The following P2RY14 variants were observed in gnomAD, a reference collection of about 807,000 sequenced individuals.
The protein encoded by P2RY14 is purinergic receptor P2Y14.
P2RY14 carries 2 observed loss-of-function variants against 0.9 expected under a neutral mutation model. The observed-to-expected ratio is 2.16, with a 90% CI of 0.88 to 6.79. The LOEUF is 6.79. P2RY14 is among the 30% of genes most tolerant of loss of function. P2RY14 has a pLI of 0.05. For missense variants in P2RY14, 378 were observed against 400.1 expected (o/e 0.94, Z 0.47); for synonymous variants, 158 against 147.2 (o/e 1.07, Z -0.53).
chr3:151,267,140 GT>G (rs1018681831), intron 1 of P2RY14, among the ~76,000 whole-genome samples: 5 of 152,300 alleles, frequency 3.3e-5, no homozygotes, highest in African/African-American at 1.2e-4. Context: ...TATTTTGACT[GT>G]TTACAGGAAC....
chr3:151,214,255 G>C lies in P2RY14; in HGVS notation c.62C>G (p.Thr21Ser), dbSNP rs1250262202. ...GTACAGCACAGGAATGATCTGCTGA[G>C]TGATCAGGAGGTTCTGAGAGCAGGA... ...DESCSQNLLI[T>S]QQIIPVLYCM... Residue 21 changes from threonine (T) to serine (S), a missense_variant, in exon 3 of 3, where the codon ACT (threonine) becomes AGT (serine). Thr to Ser is a moderately conservative substitution (Grantham distance 58). Transcript: ENST00000309170. 1.2e-6 allele frequency: 2 copies of C among 1,613,882 alleles called. No homozygotes were observed. The highest frequency in any genetic ancestry group is 1.3e-5 in the African/African-American group (1 of 74,924).
intron 1 of P2RY14, among the ~76,000 whole-genome samples, chr3:151,230,352 G>T (rs1179680313): frequency 6.6e-6 from 1 of 152,208 alleles, no homozygotes; most frequent in Non-Finnish European, 1.5e-5. Flanking sequence ...AATTTCAATA[G>T]AAGTCAGTCA....
At chr3:151,214,470 G>A in intron 2 of P2RY14, 130 bp from the exon 3 acceptor site, 1 of 601,684 alleles carries the variant, frequency 1.7e-6, no homozygotes, top group Non-Finnish European at 2.9e-6. Context: ...TTTACTCTGT[G>A]TAAGTTAGAC....
chr3:151,248,272 C>G (rs1344931675), intron 1 of P2RY14, among the ~76,000 whole-genome samples: 1 of 152,080 alleles, frequency 6.6e-6, no homozygotes, highest in Admixed American at 6.6e-5. Flanking sequence ...ATTCCTATTT[C>G]TTTCCTTTGA....
chr3:151,264,988 CCTCTTTGTCT>C (rs1331492630), intron 1 of P2RY14, among the ~76,000 whole-genome samples: 2 of 152,188 alleles, frequency 1.3e-5, no homozygotes, highest in South Asian at 2.1e-4. Flanking sequence ...GCTCTTTCTC[CCTCTTTGTCT>C]CCCTTATTTC....
At chr3:151,251,039 A>T (rs746815108) in intron 1 of P2RY14, among the ~76,000 whole-genome samples, 1 of 152,202 alleles carries the variant, frequency 6.6e-6, no homozygotes, top group African/African-American at 2.4e-5. Flanking sequence ...GTACTTTGGC[A>T]TACTGCCCTT....
At chr3:151,251,074 C>T (rs1736758752) in intron 1 of P2RY14, among the ~76,000 whole-genome samples, 1 of 152,216 alleles carries the variant, frequency 6.6e-6, no homozygotes, top group African/African-American at 2.4e-5. Context: ...CTGTTCCCTC[C>T]ATGATTAAGG....
chr3:151,267,878 A>G (rs1456983715), intron 1 of P2RY14, among the ~76,000 whole-genome samples: 3 of 152,210 alleles, frequency 2.0e-5, no homozygotes, highest in Non-Finnish European at 4.4e-5. Flanking sequence ...ACAGTGTTTG[A>G]GAATAGCTTT....
At chr3:151,252,492 T>G (rs945161978) in intron 1 of P2RY14, among the ~76,000 whole-genome samples, 5 of 152,158 alleles carry the variant, frequency 3.3e-5, no homozygotes, top group Non-Finnish European at 4.4e-5. Context: ...TGTCTTAATT[T>G]TGCATCTTTG....
intron 1 of P2RY14, among the ~76,000 whole-genome samples, chr3:151,250,002 A>C (rs1736524219): frequency 6.6e-6 from 1 of 152,194 alleles, no homozygotes; most frequent in Non-Finnish European, 1.5e-5. Context: ...ATTATCAAAT[A>C]AAATAAAGCG....
intron 1 of P2RY14, among the ~76,000 whole-genome samples, chr3:151,248,476 G>A (rs1183745132): frequency 6.6e-6 from 1 of 151,926 alleles, no homozygotes; most frequent in African/African-American, 2.4e-5. Context: ...TTCTTTATTG[G>A]ACTGTCTTTG....
chr3:151,241,637 C>T (rs962663663), intron 1 of P2RY14, among the ~76,000 whole-genome samples: 6 of 152,050 alleles, frequency 3.9e-5, no homozygotes, highest in Non-Finnish European at 8.8e-5. Flanking sequence ...TATACACACA[C>T]AGTAGGATAT....
intron 1 of P2RY14, among the ~76,000 whole-genome samples, chr3:151,226,009 A>T (rs578058840): frequency 1.3e-5 from 2 of 152,294 alleles, no homozygotes; most frequent in African/African-American, 4.8e-5. Context: ...GCTCACTATA[A>T]AGCCGTCAGA....
intron 1 of P2RY14, among the ~76,000 whole-genome samples, chr3:151,260,117 G>C (rs1409936562): frequency 6.6e-6 from 1 of 152,184 alleles, no homozygotes; most frequent in African/African-American, 2.4e-5. Context: ...GGTGGGCTTA[G>C]GGTAGCAGAT....
intron 1 of P2RY14, among the ~76,000 whole-genome samples, chr3:151,250,866 C>A (rs192927178): frequency 6.6e-6 from 1 of 152,296 alleles, no homozygotes; most frequent in East Asian, 1.9e-4. Context: ...CTGAATGAAC[C>A]ATCTTACGTT....
chr3:151,278,072 A>G (rs1035320620), intron 1 of P2RY14, among the ~76,000 whole-genome samples: 69 of 152,236 alleles, frequency 4.5e-4, no homozygotes, highest in African/African-American at 1.6e-3. Context: ...ATCATAAATG[A>G]TAATATTTCA....
At chr3:151,216,199 G>T (rs1490180258) in intron 2 of P2RY14, among the ~76,000 whole-genome samples, 1 of 152,118 alleles carries the variant, frequency 6.6e-6, no homozygotes, top group African/African-American at 2.4e-5. Flanking sequence ...TAAAATATTT[G>T]TGAAATAAAT....
intron 1 of P2RY14, among the ~76,000 whole-genome samples, chr3:151,241,275 A>G (rs1429705715): frequency 6.6e-6 from 1 of 152,242 alleles, no homozygotes; most frequent in Non-Finnish European, 1.5e-5. Flanking sequence ...GGCAATACCA[A>G]AGGTTATTAG....
rs554932004 is a variant in P2RY14 at position 151,224,186 on chromosome 3, C to T, written c.-132-4544G>A. The stretch of plus-strand genomic sequence containing the variant: ...TGCTTTTATCAGTACCCACTTATGA[C>T]GTGCATTTTTCTTCCTCTTCTTTTT... On this transcript the variant is annotated intron_variant, in intron 1 of 2. Transcript: ENST00000309170. Among the ~76,000 whole-genome samples, 25 of 152,232 alleles carry T rather than the reference C, an allele frequency of 1.6e-4. No individual in the cohort carries two copies. The South Asian group carries it at 4.2e-3, about 25-fold the overall frequency.
Sources: allele counts gnomAD v4.1 joint callset (sites outside exome capture counted in the v4.1 genomes callset), GRCh38; gene constraint gnomAD v4.1.1; transcripts MANE v1.5; gene names NCBI Gene and HGNC (gene_info 2026-07-23, HGNC 2026-07-21).